Variants in DPP10 observed in about 807,000 individuals in gnomAD.
The protein encoded by DPP10 is inactive dipeptidyl peptidase 10.
Under a neutral mutation model 120.9 loss-of-function variants are expected in DPP10, and 33 were observed. The ratio of observed to expected loss-of-function variants is 0.27; its 90% CI spans 0.21 to 0.37. The LOEUF (loss-of-function observed/expected upper bound fraction) is 0.37. Ranked by LOEUF, DPP10 falls within the 10% of genes least tolerant of loss-of-function variation. The pLI is 1.00. For synonymous variants in DPP10, 337 were observed against 326.1 expected, an observed-to-expected ratio of 1.03 and a Z score of -0.36; for missense variants, 816 against 942.8, an observed-to-expected ratio of 0.87 and a Z score of 1.76.
At chr2:115,216,351 T>A (rs1228832654) in intron 1 of DPP10, among the ~76,000 whole-genome samples, 2 of 152,152 alleles carry the variant, frequency 1.3e-5, no homozygotes, top group Non-Finnish European at 2.9e-5. Context: ...TTGTTTCAGC[T>A]GATGTTTACA....
At chr2:115,628,949 A>T (rs1292848385) in intron 5 of DPP10, among the ~76,000 whole-genome samples, 1 of 152,022 alleles carries the variant, frequency 6.6e-6, no homozygotes, top group African/African-American at 2.4e-5. Flanking sequence ...ATATCTCCTA[A>T]TGCTATCCTT....
At position 114,682,310 on chromosome 2, in the gene DPP10, T is replaced by C. The variant is rs576370575; in HGVS notation, c.60+239472T>C. ...CATTCTTAAATACCTCAGACTGACA[T>C]ACATCTTCCAAGGATTCAAGTTCCA... On this transcript the variant is annotated intron_variant, in intron 1 of 25. Coordinates refer to ENST00000410059, the MANE Select transcript of DPP10 (RefSeq NM_020868.6). Among the ~76,000 whole-genome samples, 11 of 152,082 alleles carry C rather than the reference T, an allele frequency of 7.2e-5. No individual in the cohort carries two copies. The East Asian group carries it at 2.1e-3, about 30-fold the overall frequency.
At chr2:115,208,133 T>C (rs1470167452) in intron 1 of DPP10, among the ~76,000 whole-genome samples, 2 of 152,068 alleles carry the variant, frequency 1.3e-5, no homozygotes, top group Non-Finnish European at 2.9e-5. Flanking sequence ...AGCTAGATAG[T>C]ATCAAAGCTA....
chr2:115,367,335 A>G (rs1034967305), intron 3 of DPP10, among the ~76,000 whole-genome samples: 1 of 152,002 alleles, frequency 6.6e-6, no homozygotes, highest in Non-Finnish European at 1.5e-5. Flanking sequence ...GTTAAATTCT[A>G]GAAAATATAT....
At chr2:115,085,532 G>C (rs151162789) in intron 1 of DPP10, among the ~76,000 whole-genome samples, 103 of 152,232 alleles carry the variant, frequency 6.8e-4, no homozygotes, top group African/African-American at 2.3e-3. Flanking sequence ...AAAATGCATA[G>C]TTAAAAGGAA....
At chr2:114,741,784 T>C in intron 1 of DPP10, among the ~76,000 whole-genome samples, 1 of 152,138 alleles carries the variant, frequency 6.6e-6, no homozygotes, top group African/African-American at 2.4e-5. Context: ...GGAGTTACGC[T>C]GTCACAAGCC....
intron 1 of DPP10, among the ~76,000 whole-genome samples, chr2:114,517,049 G>C (rs1001633455): frequency 6.6e-6 from 1 of 151,982 alleles, no homozygotes; most frequent in Non-Finnish European, 1.5e-5. Context: ...TAACTTTAGG[G>C]TATTCTGTAT....
At chr2:115,405,779 G>A (rs1418571710) in intron 3 of DPP10, among the ~76,000 whole-genome samples, 1 of 152,202 alleles carries the variant, frequency 6.6e-6, no homozygotes, top group East Asian at 1.9e-4. Context: ...CTTGAACCAT[G>A]GCTGGAACAG....
intron 1 of DPP10, among the ~76,000 whole-genome samples, chr2:115,107,951 T>C (rs1216466856): frequency 6.6e-6 from 1 of 152,206 alleles, no homozygotes; most frequent in Non-Finnish European, 1.5e-5. Context: ...CATGAATTTA[T>C]ACATATTTGA....
intron 9 of DPP10, among the ~76,000 whole-genome samples, chr2:115,742,438 A>T (rs961409284): frequency 6.6e-6 from 1 of 152,170 alleles, no homozygotes; most frequent in African/African-American, 2.4e-5. Flanking sequence ...ATAACTATAT[A>T]TGATAACTAC....
At chr2:115,506,184 T>G (rs949440958) in intron 4 of DPP10, among the ~76,000 whole-genome samples, 1 of 152,188 alleles carries the variant, frequency 6.6e-6, no homozygotes, top group African/African-American at 2.4e-5. Context: ...TGCCAAAACT[T>G]CTGCAGCCCT....
intron 3 of DPP10, among the ~76,000 whole-genome samples, chr2:115,478,055 A>G (rs964784348): frequency 2.6e-5 from 4 of 152,168 alleles, no homozygotes; most frequent in Non-Finnish European, 5.9e-5. Flanking sequence ...GAACTCACTC[A>G]TTACCAAAAG....
intron 1 of DPP10, among the ~76,000 whole-genome samples, chr2:115,066,245 T>C (rs1245189322): frequency 6.6e-6 from 1 of 152,196 alleles, no homozygotes; most frequent in Non-Finnish European, 1.5e-5. Context: ...TATTATTCTT[T>C]GCCAATTATA....
chr2:115,494,930 C>G (rs1357127987), intron 3 of DPP10, among the ~76,000 whole-genome samples: 3 of 151,994 alleles, frequency 2.0e-5, no homozygotes, highest in African/African-American at 7.2e-5. Context: ...ATTATCACGT[C>G]AAAATTAAAT....
Position 115,482,792 on chromosome 2 carries a change from G to T in DPP10, c.272-16718G>T, listed in dbSNP as rs139547325. Among the ~76,000 whole-genome samples the T allele has an allele frequency of 2.1e-3, 320 of 151,796 alleles. 3 individuals carry two copies. The highest frequency in any genetic ancestry group is 3.7e-4 in the Non-Finnish European group (25 of 67,866). ...ATCAATTAATCAGTTCATGATACTG[G>T]GATGGCTTCCTTTCATCATAGCCTT... On this transcript the variant is annotated intron_variant, in intron 3 of 25. Transcript: ENST00000410059.
intron 5 of DPP10, among the ~76,000 whole-genome samples, chr2:115,600,345 G>T (rs1265706366): frequency 1.3e-5 from 2 of 151,998 alleles, no homozygotes; most frequent in Admixed American, 6.6e-5. Flanking sequence ...AATAATTTTT[G>T]AAAACCTAAG....
chr2:114,919,521 T>A (rs887816855), intron 1 of DPP10, among the ~76,000 whole-genome samples: 6 of 152,210 alleles, frequency 3.9e-5, no homozygotes, highest in African/African-American at 1.4e-4. Context: ...ATTTTTTAAA[T>A]TTTTTTCATT....
At chr2:114,982,144 T>G (rs1334483507) in intron 1 of DPP10, among the ~76,000 whole-genome samples, 1 of 152,050 alleles carries the variant, frequency 6.6e-6, no homozygotes, top group East Asian at 1.9e-4. Context: ...GATCCTGTTC[T>G]GTCCTGTAAA....
intron 5 of DPP10, among the ~76,000 whole-genome samples, chr2:115,688,464 C>T (rs1381493061): frequency 6.6e-6 from 1 of 152,088 alleles, no homozygotes; most frequent in African/African-American, 2.4e-5. Flanking sequence ...TGTACATCCA[C>T]TACAAGAATA....
Sources: allele counts gnomAD v4.1 joint callset (sites outside exome capture counted in the v4.1 genomes callset), GRCh38; gene constraint gnomAD v4.1.1; transcripts MANE v1.5; gene names NCBI Gene and HGNC (gene_info 2026-07-23, HGNC 2026-07-21).